ARRB1: variants seen among roughly 807,000 people sequenced by gnomAD.
ARRB1 encodes the protein beta-arrestin-1.
A neutral mutation model predicts 56.8 loss-of-function variants in ARRB1; 21 were observed. The ratio of observed to expected loss-of-function variants is 0.37; its 90% CI spans 0.26 to 0.53. The LOEUF (loss-of-function observed/expected upper bound fraction) is 0.53. Ranked by LOEUF, ARRB1 falls within the 20% of genes least tolerant of loss-of-function variation. The pLI is 0.88. For missense variants in ARRB1, 424 were observed against 553.7 expected (o/e 0.77, Z 2.35); for synonymous variants, 210 against 218.6 (o/e 0.96, Z 0.35).
intron 1 of ARRB1, among the ~76,000 whole-genome samples, chr11:75,349,513 C>T (rs1161120079): frequency 6.6e-6 from 1 of 152,190 alleles, no homozygotes; most frequent in African/African-American, 2.4e-5. Context: ...ATCATGTCAG[C>T]AGGACAACAA....
chr11:75,321,473 T>C (rs1193765294), intron 1 of ARRB1, among the ~76,000 whole-genome samples: 4 of 152,130 alleles, frequency 2.6e-5, no homozygotes, highest in African/African-American at 9.7e-5. Flanking sequence ...CTTACACACA[T>C]GCTCACCACC....
chr11:75,312,129 C>T (rs1263399123), intron 1 of ARRB1: 1 of 1,289,450 alleles, frequency 7.8e-7, no homozygotes. Context: ...GTGGCTGCTG[C>T]TGGCCTCTCC....
At chr11:75,282,799 G>C (rs938970505) in intron 5 of ARRB1, among the ~76,000 whole-genome samples, 1 of 152,228 alleles carries the variant, frequency 6.6e-6, no homozygotes, top group Admixed American at 6.5e-5. Context: ...GAAAGGGAGA[G>C]ACCACACTGA....
chr11:75,284,229 G>GC lies in ARRB1; in HGVS notation c.157+5dup. On this transcript the variant is annotated splice_donor_region_variant and intron_variant, in intron 4 of 15. Coordinates refer to ENST00000420843, the MANE Select transcript of ARRB1 (RefSeq NM_004041.5). The stretch of plus-strand genomic sequence containing the variant: ...TGACAGGCTGGGGATGGGGGCCACA[G>GC]CCTACCTCTCCGCTCTTTGAGATAC... The GC allele has an allele frequency of 6.2e-7, 1 of 1,607,644 alleles. No homozygotes were observed. The highest frequency in any genetic ancestry group is 8.5e-7 in the Non-Finnish European group (1 of 1,175,626).
chr11:75,312,357 G>A (rs529299064), intron 1 of ARRB1, among the ~76,000 whole-genome samples: 1 of 152,212 alleles, frequency 6.6e-6, no homozygotes, highest in South Asian at 2.1e-4. Flanking sequence ...TGTACTGCAC[G>A]CTGGAAGGAC....
At chr11:75,297,589 G>A (rs569920757) in intron 1 of ARRB1, among the ~76,000 whole-genome samples, 1 of 152,166 alleles carries the variant, frequency 6.6e-6, no homozygotes, top group African/African-American at 2.4e-5. Context: ...ATGGGGCCGG[G>A]CGCTGTGTCT....
chr11:75,351,275 GC>G (rs1390818970), intron 1 of ARRB1, among the ~76,000 whole-genome samples: 1 of 152,218 alleles, frequency 6.6e-6, no homozygotes, highest in East Asian at 1.9e-4. Context: ...GGGTTAGTGT[GC>G]CCGTGCGTGT....
intron 12 of ARRB1, 28 bp downstream of exon 12, chr11:75,272,867 G>T: frequency 1.2e-6 from 2 of 1,612,982 alleles, no homozygotes; most frequent in Non-Finnish European, 1.7e-6. Flanking sequence ...CTGCACTCCG[G>T]GGTCTTGGGC....
intron 1 of ARRB1, among the ~76,000 whole-genome samples, chr11:75,329,864 C>T (rs944822131): frequency 6.6e-6 from 1 of 152,120 alleles, no homozygotes; most frequent in Non-Finnish European, 1.5e-5. Flanking sequence ...CATGGTAGCA[C>T]ATACCTGTGC....
At position 75,260,669 on chromosome 11, in the gene ARRB1, A is replaced by G. The variant is rs1357217950; in HGVS notation, c.*5494T>C. 1 of 152,190 alleles carries G rather than the reference A, an allele frequency of 6.6e-6. No homozygotes were observed. Among genetic ancestry groups the G allele is most frequent in the Non-Finnish European group, 1.5e-5 (1 of 68,066 alleles). 9.4% of individuals were successfully genotyped at this position (152,190 alleles called of 1,614,324 possible). ...TAAGGACACACTCGGACCGAATGTA[A>G]TACACCCGTGTCATGCGCTTGCTGT... is the stretch of plus-strand genomic sequence containing the variant. On this transcript the variant is annotated 3_prime_UTR_variant, in exon 16 of 16. Coordinates refer to ENST00000420843, the MANE Select transcript of ARRB1 (RefSeq NM_004041.5).
At chr11:75,266,676 C>T (rs1328754072) in intron 15 of ARRB1, among the ~76,000 whole-genome samples, 1 of 152,138 alleles carries the variant, frequency 6.6e-6, no homozygotes, top group East Asian at 1.9e-4. Context: ...TTCTGAATCC[C>T]CCAAGAATAG....
intron 1 of ARRB1, among the ~76,000 whole-genome samples, chr11:75,297,431 G>A (rs949827323): frequency 1.3e-5 from 2 of 152,082 alleles, no homozygotes; most frequent in African/African-American, 4.8e-5. Flanking sequence ...TATATTTATG[G>A]TCAATAGATT....
In ARRB1 at chr11:75,277,387, G is replaced by T. The variant is rs142938698; in HGVS notation, c.680C>A (p.Thr227Lys). The change falls in exon 9 of 16, where the codon ACG becomes AAG. Residue 227 changes from threonine to lysine, a missense_variant. Transcript: ENST00000420843. ...NVHVTNNTNK[T>K]VKKIKISVRQ... ...ACCTGAGATCTTGATCTTCTTCACCGTCTTGTTGGTGTTGTTGGTGACGTG... is the reference window on the plus strand; with the variant it reads ...ACCTGAGATCTTGATCTTCTTCACCTTCTTGTTGGTGTTGTTGGTGACGTG... The T allele has an allele frequency of 1.9e-6, 3 of 1,614,126 alleles. No individual in the cohort carries two copies. In the Admixed American group the frequency reaches 5.0e-5, roughly 27 times the overall value.
At chr11:75,299,972 C>T (rs924249650) in intron 1 of ARRB1, among the ~76,000 whole-genome samples, 5 of 151,812 alleles carry the variant, frequency 3.3e-5, no homozygotes, top group African/African-American at 1.2e-4. Context: ...TTTAGGAGGC[C>T]GAGGGGGGCA....
chr11:75,323,371 C>G (rs982412027), intron 1 of ARRB1, among the ~76,000 whole-genome samples: 1 of 152,232 alleles, frequency 6.6e-6, no homozygotes, highest in African/African-American at 2.4e-5. Flanking sequence ...GTAATCCCAG[C>G]ACTTTGGGAG....
chr11:75,286,103 T>A (rs943821959), intron 3 of ARRB1, among the ~76,000 whole-genome samples: 1 of 151,768 alleles, frequency 6.6e-6, no homozygotes, highest in African/African-American at 2.4e-5. Context: ...GAGCCCAGGG[T>A]CCCCAGGTCT....
intron 1 of ARRB1, among the ~76,000 whole-genome samples, chr11:75,303,920 C>A (rs1946962727): frequency 6.6e-6 from 1 of 152,198 alleles, no homozygotes; most frequent in East Asian, 1.9e-4. Context: ...CACTTATGTT[C>A]CTTGGTACAT....
chr11:75,343,114 C>T (rs1167598964), intron 1 of ARRB1, among the ~76,000 whole-genome samples: 1 of 152,174 alleles, frequency 6.6e-6, no homozygotes, highest in Non-Finnish European at 1.5e-5. Context: ...TGGGGACAAG[C>T]AGATCCAGGG....
chr11:75,269,068 G>T, intron 13 of ARRB1, 109 bp from the exon 14 acceptor site: 1 of 1,241,306 alleles, frequency 8.1e-7, no homozygotes, highest in Non-Finnish European at 1.2e-6. Flanking sequence ...GCCGTCAGAG[G>T]AGGTAGATCC....
Sources: allele counts gnomAD v4.1 joint callset (sites outside exome capture counted in the v4.1 genomes callset), GRCh38; gene constraint gnomAD v4.1.1; transcripts MANE v1.5; gene names NCBI Gene and HGNC (gene_info 2026-07-23, HGNC 2026-07-21).